The following ST6GAL2 variants were observed in gnomAD, a reference collection of about 807,000 sequenced individuals.
ST6GAL2 encodes the protein beta-galactoside alpha-2,6-sialyltransferase 2.
In ST6GAL2, 24 loss-of-function variants were observed where a neutral mutation model predicts 37.5. The observed-to-expected ratio is 0.64, with a 90% CI of 0.46 to 0.90. ST6GAL2 has a LOEUF of 0.90. ST6GAL2 is among the 40% of genes least tolerant of loss of function. ST6GAL2 has a pLI of 0.00. For synonymous variants in ST6GAL2, 306 were observed against 295.1 expected (o/e 1.04, Z -0.38); for missense variants, 715 against 712.7 (o/e 1.00, Z -0.04).
chr2:106,860,362 G>A (rs1170793423), intron 1 of ST6GAL2, among the ~76,000 whole-genome samples: 1 of 152,218 alleles, frequency 6.6e-6, no homozygotes, highest in Non-Finnish European at 1.5e-5. Context: ...GGAGATTGAG[G>A]AGGAAATGCT....
intron 5 of ST6GAL2, among the ~76,000 whole-genome samples, chr2:106,826,103 A>T (rs13384571): frequency 2.6e-5 from 4 of 152,086 alleles, no homozygotes; most frequent in Admixed American, 2.6e-4. Flanking sequence ...ATTCCTAAGC[A>T]TGTATAAAGA....
At chr2:106,887,173 G>T (rs536345625), upstream of ST6GAL2, 2 of 152,478 alleles carry the variant, frequency 1.3e-5, no homozygotes, top group Non-Finnish European at 2.9e-5. Flanking sequence ...CTACCTGCGC[G>T]CCTGGCAGCG....
chr2:106,808,331 A>G (rs1193511752), intron 5 of ST6GAL2, among the ~76,000 whole-genome samples: 3 of 152,200 alleles, frequency 2.0e-5, no homozygotes, highest in Non-Finnish European at 4.4e-5. Context: ...GTCAGCAAGG[A>G]TAGCTTGTGT....
chr2:106,857,253 G>T (rs985330803), intron 1 of ST6GAL2, among the ~76,000 whole-genome samples: 3 of 152,160 alleles, frequency 2.0e-5, no homozygotes, highest in African/African-American at 7.2e-5. Flanking sequence ...CAGCCATGAG[G>T]TGTTGATTTT....
At chr2:106,810,571 TG>T (rs1359090648) in intron 5 of ST6GAL2, among the ~76,000 whole-genome samples, 1 of 152,092 alleles carries the variant, frequency 6.6e-6, no homozygotes, top group Non-Finnish European at 1.5e-5. Flanking sequence ...CTACCCTGAG[TG>T]TTTAGGCGGC....
At chr2:106,838,460 T>C (rs1676736146) in intron 2 of ST6GAL2, among the ~76,000 whole-genome samples, 1 of 152,194 alleles carries the variant, frequency 6.6e-6, no homozygotes, top group African/African-American at 2.4e-5. Context: ...TCCATCACCC[T>C]GGGAGCCCTG....
rs763017174 is a variant in ST6GAL2, at chr2:106,870,929, A to AT, written c.-58+15163dup. 3.5e-4 allele frequency among the ~76,000 whole-genome samples: 54 copies of AT among 152,344 alleles called. 1 individual carries two copies. The highest frequency in any genetic ancestry group is 5.9e-4 in the Admixed American group (9 of 15,310). ...AAGCAAAGTGAAAGAATTTTAACAG[A>AT]TTTTTAAATTTAATATAGTCATGCC... On this transcript the variant is annotated intron_variant, in intron 1 of 5. Transcript: ENST00000409382.
intron 5 of ST6GAL2, chr2:106,813,192 A>AAGCTCTG (rs1675676717): frequency 1.5e-6 from 2 of 1,366,374 alleles, no homozygotes; most frequent in Admixed American, 3.4e-5. Context: ...GGCTCACTGC[A>AAGCTCTG]AGCTCTGATA....
intron 1 of ST6GAL2, among the ~76,000 whole-genome samples, chr2:106,845,470 T>G (rs1677106540): frequency 6.6e-6 from 1 of 152,150 alleles, no homozygotes; most frequent in Non-Finnish European, 1.5e-5. Flanking sequence ...GTAGGGTGAT[T>G]CTGAGGGGAG....
intron 1 of ST6GAL2, among the ~76,000 whole-genome samples, chr2:106,870,080 T>C (rs951056872): frequency 6.6e-6 from 1 of 152,152 alleles, no homozygotes; most frequent in Non-Finnish European, 1.5e-5. Flanking sequence ...AAGCCAGCTC[T>C]GTACAGGCAG....
chr2:106,836,944 C>CAAAAAAAAAA (rs10700905), intron 2 of ST6GAL2, among the ~76,000 whole-genome samples: 19 of 85,676 alleles, frequency 2.2e-4, no homozygotes, highest in African/African-American at 8.4e-4. Context: ...AATTCCATCT[C>CAAAAAAAAAA]AAAAAAAAAA....
chr2:106,873,125 C>T (rs551786959), intron 1 of ST6GAL2, among the ~76,000 whole-genome samples: 1 of 152,344 alleles, frequency 6.6e-6, no homozygotes, highest in South Asian at 2.1e-4. Context: ...CAAATGCTCA[C>T]TAACCCTTCA....
At chr2:106,812,938 TAAC>T in intron 5 of ST6GAL2, 5 of 841,668 alleles carry the variant, frequency 5.9e-6, no homozygotes, top group East Asian at 3.5e-5. Context: ...TACAAAAAAT[TAAC>T]AACTTTATCA....
At chr2:106,874,657 C>T (rs866579324) in intron 1 of ST6GAL2, among the ~76,000 whole-genome samples, 1 of 152,180 alleles carries the variant, frequency 6.6e-6, no homozygotes, top group Admixed American at 6.5e-5. Context: ...AAGCAGTGCA[C>T]TGCTTCCCCT....
In ST6GAL2 at chr2:106,832,636, C is replaced by T; in HGVS notation, c.1072G>A (p.Asp358Asn). ...ILTNPSHHFI[D>N]SSLYKDVILV... ...ATGACGTCTTTATACAGTGAACTGT[C>T]AATGAAGTGATGGCTGGGGTTGGTC... Residue 358 changes from aspartate (D) to asparagine (N), a missense_variant, in exon 4 of 6, where the codon GAC (aspartate) becomes AAC (asparagine). By Grantham distance (23) the Asp-to-Asn change is conservative. Around this residue, in one of 3 missense-constraint regions of ST6GAL2, gnomAD observed 512 missense variants for 488.8 expected, o/e 1.05. Transcript: ENST00000409382. The T allele has an allele frequency of 4.3e-6, 7 of 1,612,784 alleles. No individual in the cohort carries two copies. Among genetic ancestry groups the T allele is most frequent in the Non-Finnish European group, 5.9e-6 (7 of 1,178,936 alleles).
intron 2 of ST6GAL2, chr2:106,834,412 G>T (rs572006733): frequency 3.0e-6 from 1 of 332,300 alleles, no homozygotes; most frequent in South Asian, 4.4e-5. Context: ...TTAGATACTT[G>T]CTACCTTTTC....
intron 1 of ST6GAL2, among the ~76,000 whole-genome samples, chr2:106,866,804 A>C (rs1678045280): frequency 6.6e-6 from 1 of 152,194 alleles, no homozygotes; most frequent in Non-Finnish European, 1.5e-5. Flanking sequence ...AAGTAAAATA[A>C]AAACAACAGA....
chr2:106,811,020 G>T (rs960932719), intron 5 of ST6GAL2, among the ~76,000 whole-genome samples: 3 of 151,980 alleles, frequency 2.0e-5, no homozygotes, highest in African/African-American at 7.3e-5. Flanking sequence ...CAGACAAGGA[G>T]GTTTATGGTG....
chr2:106,805,933 C>T lies in ST6GAL2; in HGVS notation c.*745G>A, dbSNP rs938651949. The T allele has an allele frequency of 1.3e-5, 2 of 152,360 alleles. No individual in the cohort carries two copies. Among genetic ancestry groups the T allele is most frequent in the African/African-American group, 4.8e-5 (2 of 41,454 alleles). 9.4% of individuals were successfully genotyped at this position (152,360 alleles called of 1,614,324 possible). A position where few individuals can be genotyped will look rare whatever the true frequency, so the allele number is the denominator to read the frequency against. On this transcript the variant is annotated 3_prime_UTR_variant, in exon 6 of 6. Coordinates refer to ENST00000409382, the MANE Select transcript of ST6GAL2 (RefSeq NM_001142351.2). ...ATGTTACTTGCCAGTGATGTGCCTC[C>T]TGGTGGATGTGATACTAATGTTCCT...
Sources: gnomAD v4.1 joint callset for allele counts (sites outside exome capture counted in the v4.1 genomes callset) on GRCh38, gnomAD v4.1.1 for gene constraint, gnomAD v4.1.1 regional missense constraint, MANE v1.5 for transcripts, NCBI Gene and HGNC (gene_info 2026-07-23, HGNC 2026-07-21) for gene names.